The following HS6ST2 variants were observed in gnomAD, a reference collection of about 807,000 sequenced individuals.
HS6ST2 encodes the protein heparan-sulfate 6-O-sulfotransferase 2.
Under a neutral mutation model 33.0 loss-of-function variants are expected in HS6ST2, and 17 were observed. The ratio of observed to expected loss-of-function variants is 0.52; its 90% CI spans 0.35 to 0.77. The LOEUF is 0.77. Ranked by LOEUF, HS6ST2 falls within the 30% of genes least tolerant of loss-of-function variation. The pLI is 0.01. For missense variants in HS6ST2, 519 were observed against 551.7 expected (o/e 0.94, Z 0.59); for synonymous variants, 248 against 237.1 (o/e 1.05, Z -0.42).
At chrX:132,705,790 T>G (rs965490743) in intron 3 of HS6ST2, among the ~76,000 whole-genome samples, 2 of 111,832 alleles carry the variant, frequency 1.8e-5, no homozygotes, top group African/African-American at 6.5e-5. Context: ...TGTCAGTCAC[T>G]GATGTAATGT....
rs934868057 is a variant in HS6ST2 at position 132,627,511 on chromosome X, G to T, written c.*712C>A. The T allele has an allele frequency of 8.9e-6, 1 of 112,493 alleles. No individual in the cohort carries two copies. Among genetic ancestry groups the T allele is most frequent in the East Asian group, 2.8e-4 (1 of 3,588 alleles). The allele number at this position is 112,493 out of a possible 1,213,427, so 9.3% of individuals were successfully genotyped here. Reference sequence around the variant, plus strand: ...ATTGGTATTTCATTTTGAAAAAAAGGTGTTTTGTTTAATGTGAGATACACC... The same window carrying T: ...ATTGGTATTTCATTTTGAAAAAAAGTTGTTTTGTTTAATGTGAGATACACC... On this transcript the variant is annotated 3_prime_UTR_variant, in exon 5 of 5. Coordinates refer to ENST00000370833, the MANE Select transcript of HS6ST2 (RefSeq NM_001394073.1).
At chrX:132,759,490 A>C (rs1236034044) in intron 2 of HS6ST2, among the ~76,000 whole-genome samples, 1 of 111,297 alleles carries the variant, frequency 9.0e-6, no homozygotes, top group African/African-American at 3.3e-5. Context: ...AGCAACATTA[A>C]AAAAAGATTT....
upstream of HS6ST2, chrX:132,958,752 G>T: frequency 2.0e-6 from 1 of 505,081 alleles, no homozygotes; most frequent in Non-Finnish European, 3.1e-6. Flanking sequence ...TCCGCTTAGC[G>T]CATCACTCCA....
intron 2 of HS6ST2, among the ~76,000 whole-genome samples, chrX:132,738,620 A>T (rs1454765411): frequency 8.9e-6 from 1 of 112,584 alleles, no homozygotes; most frequent in African/African-American, 3.2e-5. Flanking sequence ...TGGCTATTTT[A>T]TGCCTTATTG....
chrX:132,691,517 T>A (rs1240461505), intron 3 of HS6ST2, among the ~76,000 whole-genome samples: 1 of 112,102 alleles, frequency 8.9e-6, no homozygotes, highest in Non-Finnish European at 1.9e-5. Flanking sequence ...AAAGTTTAGA[T>A]CTTTCTTAAA....
rs779070744 is a variant in HS6ST2 at position 132,629,329 on chromosome X, G to A, written c.1068-236C>T. Among the ~76,000 whole-genome samples, 6 of 111,901 alleles carry A rather than the reference G, an allele frequency of 5.4e-5. No homozygotes were observed. In the South Asian group the frequency reaches 1.5e-3, roughly 29 times the overall value. On this transcript the variant is annotated intron_variant, in intron 4 of 4. Transcript: ENST00000370833. ...CTGATACTTCAGCTAAAACAGGTAT[G>A]AAAAGGTTAGATTCCAGACATTGAC...
At chrX:132,758,718 C>G (rs1602646318) in intron 2 of HS6ST2, among the ~76,000 whole-genome samples, 1 of 112,120 alleles carries the variant, frequency 8.9e-6, no homozygotes, top group South Asian at 3.8e-4. Flanking sequence ...GCTCCAAGGG[C>G]AAACTGGCTG....
chrX:132,663,548 AAAAAG>A (rs757549078), intron 4 of HS6ST2, among the ~76,000 whole-genome samples: 3 of 112,943 alleles, frequency 2.7e-5, no homozygotes, highest in Non-Finnish European at 5.6e-5. Flanking sequence ...GCAAAAAAGA[AAAAAG>A]AAAGTAAAAG....
intron 4 of HS6ST2, among the ~76,000 whole-genome samples, chrX:132,660,479 G>A (rs939713312): frequency 1.8e-5 from 2 of 111,018 alleles, no homozygotes; most frequent in South Asian, 7.7e-4. Context: ...GAAAGAATGA[G>A]AATAATGAGA....
chrX:132,672,307 G>C (rs780025680), intron 3 of HS6ST2, among the ~76,000 whole-genome samples: 33 of 98,262 alleles, frequency 3.4e-4, no homozygotes, highest in Admixed American at 2.3e-3. Context: ...TGAGATTGGT[G>C]GGGGGGGGTG....
At chrX:132,898,109 GT>G (rs1432567029) in intron 2 of HS6ST2, among the ~76,000 whole-genome samples, 11 of 109,468 alleles carry the variant, frequency 1.0e-4, no homozygotes, top group Non-Finnish European at 5.7e-5. Context: ...ACGGATCTAG[GT>G]TGCGCTCCTC....
In HS6ST2 at chrX:132,877,573, C is replaced by T. The variant is rs531571796; in HGVS notation, c.947+79235G>A. Among the ~76,000 whole-genome samples the T allele has an allele frequency of 1.4e-4, 16 of 111,324 alleles. No individual in the cohort carries two copies. The South Asian group carries it at 4.2e-3, about 29-fold the overall frequency. ...GCTCTGTCCACTTAGGGTCAGACCCCGTTTCACACAGGCCATTTGACTCAA... is the reference window on the plus strand; with the variant it reads ...GCTCTGTCCACTTAGGGTCAGACCCTGTTTCACACAGGCCATTTGACTCAA... On this transcript the variant is annotated intron_variant, in intron 2 of 4. Transcript: ENST00000370833.
intron 2 of HS6ST2, among the ~76,000 whole-genome samples, chrX:132,778,177 G>A (rs1165572017): frequency 9.0e-6 from 1 of 111,404 alleles, no homozygotes. Context: ...TAACATAAAG[G>A]CAATCACAAC....
intron 3 of HS6ST2, among the ~76,000 whole-genome samples, chrX:132,706,044 T>C (rs1410490610): frequency 1.8e-5 from 2 of 110,265 alleles, no homozygotes; most frequent in Non-Finnish European, 3.8e-5. Flanking sequence ...AAACTTACTA[T>C]AATAGTTCCC....
Position 132,765,924 on chromosome X carries a change from C to T in HS6ST2, c.948-57430G>A, listed in dbSNP as rs779144209. ...GAAACCAAGGCCCAAGGACTTCCAG[C>T]TAGTCAATGGCAGAGCCTGGATTTC... On this transcript the variant is annotated intron_variant, in intron 2 of 4. Coordinates refer to ENST00000370833, the MANE Select transcript of HS6ST2 (RefSeq NM_001394073.1). Among the ~76,000 whole-genome samples, 5 of 111,935 alleles carry T rather than the reference C, an allele frequency of 4.5e-5. No individual in the cohort carries two copies. In the South Asian group the frequency reaches 1.5e-3, roughly 34 times the overall value.
intron 2 of HS6ST2, among the ~76,000 whole-genome samples, chrX:132,832,029 A>G (rs1291646562): frequency 2.7e-5 from 3 of 111,720 alleles, no homozygotes; most frequent in Non-Finnish European, 5.6e-5. Context: ...AAGGATAATA[A>G]TAAATTACCA....
intron 2 of HS6ST2, among the ~76,000 whole-genome samples, chrX:132,839,013 C>G (rs867279646): frequency 4.0e-5 from 4 of 100,756 alleles, no homozygotes; most frequent in Non-Finnish European, 7.9e-5. Flanking sequence ...AAAGAGAAAG[C>G]TTATACACTG....
chrX:132,735,449 A>T (rs1210504187), intron 2 of HS6ST2: 1 of 112,133 alleles, frequency 8.9e-6, no homozygotes, highest in African/African-American at 3.2e-5. Context: ...AATTCCAAGG[A>T]AAAAAGCACG....
rs1009219448 is a variant in HS6ST2 at position 132,626,662 on chromosome X, G to A, written c.*1561C>T. On this transcript the variant is annotated 3_prime_UTR_variant, in exon 5 of 5. Coordinates refer to ENST00000370833, the MANE Select transcript of HS6ST2 (RefSeq NM_001394073.1). ...GGTCACACTTCTAAGCATGTCCCTT[G>A]TGAAAACATAAATGCCACTTTCAGT... 1 of 112,229 alleles carries A rather than the reference G, an allele frequency of 8.9e-6. No homozygotes were observed. The highest frequency in any genetic ancestry group is 3.2e-5 in the African/African-American group (1 of 30,899). 9.2% of individuals were successfully genotyped at this position (112,229 alleles called of 1,213,427 possible). A position where few individuals can be genotyped will look rare whatever the true frequency, so the allele number is the denominator to read the frequency against.
Sources: allele counts gnomAD v4.1 joint callset (sites outside exome capture counted in the v4.1 genomes callset), GRCh38; gene constraint gnomAD v4.1.1; transcripts MANE v1.5; gene names NCBI Gene and HGNC (gene_info 2026-07-23, HGNC 2026-07-21).